Variants in TENM2 observed in about 807,000 individuals in gnomAD.
The protein encoded by TENM2 is teneurin-2.
TENM2 carries 52 observed loss-of-function variants against 245.2 expected under a neutral mutation model. The ratio of observed to expected loss-of-function variants is 0.21; its 90% CI spans 0.17 to 0.27. The LOEUF (loss-of-function observed/expected upper bound fraction) is 0.27. Ranked by LOEUF, TENM2 falls within the 10% of genes least tolerant of loss-of-function variation. TENM2 has a pLI of 1.00. For missense variants in TENM2, 3,046 were observed against 3,666.8 expected, an observed-to-expected ratio of 0.83 and a Z score of 4.37; for synonymous variants, 1,363 against 1,438.9, an observed-to-expected ratio of 0.95 and a Z score of 1.19.
At chr5:167,706,401 A>T (rs1432977771) in intron 2 of TENM2, among the ~76,000 whole-genome samples, 1 of 149,368 alleles carries the variant, frequency 6.7e-6, no homozygotes, top group South Asian at 2.1e-4. Context: ...CTATATATAT[A>T]TATATAAGAA....
chr5:167,499,779 G>C (rs1202717838), intron 2 of TENM2, among the ~76,000 whole-genome samples: 1 of 151,894 alleles, frequency 6.6e-6, no homozygotes, highest in Non-Finnish European at 1.5e-5. Context: ...ATTCAGTCAA[G>C]GGGTCTGTGT....
rs143860331 is a variant in TENM2, at chr5:167,357,134, A to G, written c.227-18064A>G. On this transcript the variant is annotated intron_variant, in intron 1 of 28. Coordinates refer to ENST00000518659, the Ensembl canonical transcript of TENM2. Reference sequence around the variant, plus strand: ...GGAAAAAGGCCTTGTCTTAAAGATGAATATCCTTATCTGAAAATAGTAGAA... The same window carrying G: ...GGAAAAAGGCCTTGTCTTAAAGATGGATATCCTTATCTGAAAATAGTAGAA... 2.6e-5 allele frequency among the ~76,000 whole-genome samples: 4 copies of G among 152,254 alleles called. No homozygotes were observed. The East Asian group carries it at 7.7e-4, about 29-fold the overall frequency.
chr5:168,075,746 T>A (rs1434844995), intron 7 of TENM2, among the ~76,000 whole-genome samples: 1 of 152,216 alleles, frequency 6.6e-6, no homozygotes, highest in Non-Finnish European at 1.5e-5. Flanking sequence ...CTGGGTAATT[T>A]ATAAAGGAAA....
At chr5:168,148,542 A>G (rs919641215) in intron 12 of TENM2, among the ~76,000 whole-genome samples, 3 of 152,210 alleles carry the variant, frequency 2.0e-5, no homozygotes, top group Admixed American at 6.5e-5. Context: ...AGAAAGTTTC[A>G]GAGAGCAGGA....
chr5:167,181,394 C>T, the TENM2 span, among the ~76,000 whole-genome samples: 8 of 150,860 alleles, frequency 5.3e-5, no homozygotes, highest in African/African-American at 2.0e-4. Context: ...TTTGAATCAA[C>T]ACAAGTGTTT....
intron 5 of TENM2, among the ~76,000 whole-genome samples, chr5:168,047,097 C>T (rs1409113614): frequency 6.6e-6 from 1 of 152,222 alleles, no homozygotes; most frequent in Non-Finnish European, 1.5e-5. Context: ...TGTGGTAGAG[C>T]AGCACTCTTT....
chr5:167,369,747 A>G (rs1303348220), intron 1 of TENM2, among the ~76,000 whole-genome samples: 1 of 152,164 alleles, frequency 6.6e-6, no homozygotes, highest in African/African-American at 2.4e-5. Flanking sequence ...CATTTAGACA[A>G]TGAAAGTTTT....
intron 12 of TENM2, among the ~76,000 whole-genome samples, chr5:168,140,050 C>G (rs1409415140): frequency 6.6e-6 from 1 of 152,236 alleles, no homozygotes; most frequent in African/African-American, 2.4e-5. Flanking sequence ...AGTGAGGAAG[C>G]ATCATTTGCC....
intron 27 of TENM2, among the ~76,000 whole-genome samples, chr5:168,256,751 T>C (rs760343711): frequency 2.0e-5 from 3 of 152,178 alleles, no homozygotes; most frequent in Non-Finnish European, 4.4e-5. Context: ...AATGGACTAT[T>C]GTTATGTGTG....
chr5:168,089,589 T>A (rs1371304283), intron 7 of TENM2, among the ~76,000 whole-genome samples: 1 of 152,178 alleles, frequency 6.6e-6, no homozygotes, highest in Non-Finnish European at 1.5e-5. Context: ...TAAACTTTAA[T>A]TGCTGGTTTA....
the TENM2 span, among the ~76,000 whole-genome samples, chr5:167,214,468 T>C: frequency 6.6e-6 from 1 of 152,332 alleles, no homozygotes; most frequent in African/African-American, 2.4e-5. Flanking sequence ...CATTTTTTGG[T>C]AATTCAGAGG....
chr5:167,072,755 G>A, the TENM2 span, among the ~76,000 whole-genome samples: 2 of 152,170 alleles, frequency 1.3e-5, no homozygotes, highest in Non-Finnish European at 2.9e-5. Context: ...AATGGTATTA[G>A]CCAGTAAATA....
At chr5:167,499,452 G>A (rs889144297) in intron 2 of TENM2, among the ~76,000 whole-genome samples, 1 of 152,144 alleles carries the variant, frequency 6.6e-6, no homozygotes, top group Non-Finnish European at 1.5e-5. Flanking sequence ...CTAAAATGAT[G>A]CTTTTTCTAG....
At chr5:167,937,006 A>G (rs1778771880) in intron 3 of TENM2, among the ~76,000 whole-genome samples, 1 of 152,226 alleles carries the variant, frequency 6.6e-6, no homozygotes, top group South Asian at 2.1e-4. Context: ...TTTAATAGAC[A>G]AATAACATTT....
chr5:167,292,966 C>A (rs1178972685), intron 1 of TENM2, among the ~76,000 whole-genome samples: 4 of 152,124 alleles, frequency 2.6e-5, no homozygotes, highest in Admixed American at 2.6e-4. Flanking sequence ...GAGGTGACTA[C>A]ATTTTGTTGT....
chr5:167,820,823 G>C (rs1767465925), intron 2 of TENM2, among the ~76,000 whole-genome samples: 1 of 152,174 alleles, frequency 6.6e-6, no homozygotes, highest in Non-Finnish European at 1.5e-5. Flanking sequence ...AAGTCCTGCA[G>C]CTTAAGCTCA....
intron 2 of TENM2, among the ~76,000 whole-genome samples, chr5:167,621,332 C>A (rs554402721): frequency 6.6e-6 from 1 of 152,138 alleles, no homozygotes; most frequent in African/African-American, 2.4e-5. Context: ...TCAGAGAAAG[C>A]TGTACAGGGG....
chr5:168,255,046 CA>C (rs371103095), intron 27 of TENM2, among the ~76,000 whole-genome samples: 306 of 124,064 alleles, frequency 2.5e-3, no homozygotes, highest in Middle Eastern at 4.1e-3. Context: ...GACGCTGTCT[CA>C]AAAAAAAAAA....
chr5:167,867,946 T>C (rs1465605270), intron 2 of TENM2, among the ~76,000 whole-genome samples: 2 of 152,234 alleles, frequency 1.3e-5, no homozygotes, highest in African/African-American at 4.8e-5. Flanking sequence ...GTTTTCTTGC[T>C]GTTTTCTTGG....
Sources: gnomAD v4.1 joint callset for allele counts (sites outside exome capture counted in the v4.1 genomes callset) on GRCh38, gnomAD v4.1.1 for gene constraint, MANE v1.5 for transcripts, NCBI Gene and HGNC (gene_info 2026-07-23, HGNC 2026-07-21) for gene names.